The following STIM2 variants were observed in gnomAD, a reference collection of about 807,000 sequenced individuals.
STIM2 encodes stromal interaction molecule 2.
A neutral mutation model predicts 85.8 loss-of-function variants in STIM2; 31 were observed. The observed-to-expected ratio is 0.36, with a 90% CI of 0.27 to 0.49. The LOEUF (loss-of-function observed/expected upper bound fraction) is 0.49, where lower values mean the gene tolerates loss of function less well. Among genes scored for constraint, STIM2 ranks in the 20% least tolerant of loss-of-function variants. The pLI, the probability that STIM2 is intolerant of heterozygous loss-of-function variation, is 0.98. For missense variants in STIM2, 841 were observed against 927.6 expected (o/e 0.91, Z 1.21); for synonymous variants, 356 against 331.1 (o/e 1.08, Z -0.82).
intron 6 of STIM2, 125 bp from the exon 7 acceptor site, chr4:27,002,802 T>C (rs1728202821): frequency 1.1e-6 from 1 of 940,728 alleles, no homozygotes; most frequent in Non-Finnish European, 1.4e-6. Flanking sequence ...TTAAGGCTAA[T>C]GAAAAATGCT....
At chr4:26,862,405 G>C (rs1276916123) in intron 1 of STIM2, among the ~76,000 whole-genome samples, 1 of 150,792 alleles carries the variant, frequency 6.6e-6, no homozygotes, top group Non-Finnish European at 1.5e-5. Context: ...AAAGTTTAAA[G>C]TGGCAGAAGA....
chr4:27,021,234 T>C, intron 11 of STIM2: 1 of 579,700 alleles, frequency 1.7e-6, no homozygotes, highest in Admixed American at 3.0e-5. Context: ...CTTGTCCTTA[T>C]TTATTTCTTT....
rs545443095 is a variant in STIM2 at position 27,022,334 on chromosome 4, A to T, written c.1764-185A>T. 1.2e-4 allele frequency among the ~76,000 whole-genome samples: 19 copies of T among 152,302 alleles called. No homozygotes were observed. The South Asian group carries it at 3.5e-3, about 28-fold the overall frequency. On this transcript the variant is annotated intron_variant, in intron 11 of 11. Coordinates refer to ENST00000467087, the MANE Select transcript of STIM2 (RefSeq NM_020860.4). ...GGTTTATGTTAAAAATCCAGCATTGAGTTTTGAGAAGCCATATTATTTAAA... is the reference window on the plus strand; with the variant it reads ...GGTTTATGTTAAAAATCCAGCATTGTGTTTTGAGAAGCCATATTATTTAAA...
intron 2 of STIM2, among the ~76,000 whole-genome samples, chr4:26,953,878 T>A (rs1180315533): frequency 6.6e-6 from 1 of 152,158 alleles, no homozygotes; most frequent in Non-Finnish European, 1.5e-5. Context: ...GTCCAGTTTT[T>A]CATGATCTCA....
chr4:27,002,931 G>A lies in STIM2; in HGVS notation c.808G>A (p.Glu270Lys). The change falls in exon 7 of 12, where the codon GAA becomes AAA. Residue 270 changes from glutamate to lysine, a missense_variant. Physicochemically the swap from Glu to Lys is moderately conservative, Grantham distance 56. Around this residue, in one of 3 missense-constraint regions of STIM2, gnomAD observed 408 missense variants for 525.4 expected, o/e 0.78. Coordinates refer to ENST00000467087, the MANE Select transcript of STIM2 (RefSeq NM_020860.4). ...TTATTTTTATTGTTCTATAAGGCTT[G>A]AAAAGGCACAGGAAGAAAACAGAAA... The A allele has an allele frequency of 6.4e-7, 1 of 1,555,842 alleles. No individual in the cohort carries two copies. Among genetic ancestry groups the A allele is most frequent in the Non-Finnish European group, 8.6e-7 (1 of 1,159,508 alleles).
rs951413469 is a variant in STIM2, at chr4:27,023,174, G to A, written c.*178G>A. ...AACTGTCTACTGTCTGCTTATTTAA[G>A]TGACTATATATAATCAATTCATCAA... On this transcript the variant is annotated 3_prime_UTR_variant, in exon 12 of 12. Coordinates refer to ENST00000467087, the MANE Select transcript of STIM2 (RefSeq NM_020860.4). 2 of 628,724 alleles carry A rather than the reference G, an allele frequency of 3.2e-6. No homozygotes were observed. Among genetic ancestry groups the A allele is most frequent in the African/African-American group, 3.7e-5 (2 of 54,486 alleles). 38.9% of individuals were successfully genotyped at this position (628,724 alleles called of 1,614,324 possible). A position where few individuals can be genotyped will look rare whatever the true frequency, so the allele number is the denominator to read the frequency against.
intron 1 of STIM2, among the ~76,000 whole-genome samples, chr4:26,884,830 GGTAAT>G (rs1298586809): frequency 6.6e-6 from 1 of 152,140 alleles, no homozygotes; most frequent in Non-Finnish European, 1.5e-5. Flanking sequence ...GTATCTTATA[GGTAAT>G]GTAACGGAGA....
intron 2 of STIM2, among the ~76,000 whole-genome samples, chr4:26,955,742 C>A (rs1441430776): frequency 2.3e-5 from 3 of 127,768 alleles, no homozygotes. Flanking sequence ...TGTTTAATTT[C>A]CAGTATATAT....
chr4:26,919,182 G>A (rs1174994643), intron 1 of STIM2, among the ~76,000 whole-genome samples: 1 of 151,348 alleles, frequency 6.6e-6, no homozygotes, highest in African/African-American at 2.4e-5. Flanking sequence ...GGAATGATTA[G>A]TAAATCATGA....
At chr4:27,000,260 T>C (rs948925516) in intron 5 of STIM2, among the ~76,000 whole-genome samples, 10 of 152,204 alleles carry the variant, frequency 6.6e-5, no homozygotes, top group African/African-American at 2.4e-4. Context: ...TACTGGTGGT[T>C]CTTTTTTGGC....
chr4:26,962,630 A>C, intron 3 of STIM2, among the ~76,000 whole-genome samples: 1 of 150,858 alleles, frequency 6.6e-6, no homozygotes, highest in African/African-American at 2.4e-5. Flanking sequence ...GTGTAGAGAG[A>C]ATGCTTGGTC....
chr4:26,879,762 G>A (rs1000861014), intron 1 of STIM2, among the ~76,000 whole-genome samples: 2 of 152,114 alleles, frequency 1.3e-5, no homozygotes, highest in African/African-American at 4.8e-5. Context: ...CACACTTTAA[G>A]TTTTAGCTTT....
At position 27,022,749 on chromosome 4, in the gene STIM2, G is replaced by A; in HGVS notation, c.1994G>A (p.Ser665Asn). Residue 665 changes from serine (S) to asparagine (N), a missense_variant, in exon 12 of 12, where the codon AGT becomes AAT. By Grantham distance (46) the Ser-to-Asn change is conservative. Around this residue, in one of 3 missense-constraint regions of STIM2, gnomAD observed 293 missense variants for 284.5 expected, o/e 1.03. Coordinates refer to ENST00000467087, the MANE Select transcript of STIM2 (RefSeq NM_020860.4). ...ACAGAAACTAAGAGTATGATCTTCA[G>A]TCCTGCAAGCAAAGTGTACAATGGC... is the stretch of plus-strand genomic sequence containing the variant. The A allele has an allele frequency of 6.2e-7, 1 of 1,614,204 alleles. No homozygotes were observed. The highest frequency in any genetic ancestry group is 1.3e-5 in the African/African-American group (1 of 75,052).
At chr4:26,936,553 T>A (rs1725397558) in intron 2 of STIM2, among the ~76,000 whole-genome samples, 1 of 152,224 alleles carries the variant, frequency 6.6e-6, no homozygotes, top group Non-Finnish European at 1.5e-5. Flanking sequence ...AGAAACACCA[T>A]TGGTTGTATA....
At chr4:26,968,503 T>C (rs1313619697) in intron 3 of STIM2, among the ~76,000 whole-genome samples, 1 of 152,172 alleles carries the variant, frequency 6.6e-6, no homozygotes, top group Non-Finnish European at 1.5e-5. Context: ...AATGTTTGGT[T>C]GCCAGGGTCT....
chr4:26,911,275 T>TA (rs546631682), intron 1 of STIM2, among the ~76,000 whole-genome samples: 29 of 151,654 alleles, frequency 1.9e-4, no homozygotes, highest in East Asian at 1.7e-3. Flanking sequence ...TGAAATAAAA[T>TA]AAAAAAAATG....
chr4:26,937,018 G>A (rs1034076350), intron 2 of STIM2, among the ~76,000 whole-genome samples: 1 of 151,952 alleles, frequency 6.6e-6, no homozygotes, highest in Admixed American at 6.6e-5. Context: ...GAACTTCTGG[G>A]CTCAAGCGAT....
intron 2 of STIM2, among the ~76,000 whole-genome samples, chr4:26,953,364 A>G (rs973062356): frequency 3.3e-5 from 5 of 152,158 alleles, no homozygotes; most frequent in African/African-American, 1.2e-4. Context: ...TGCATATACT[A>G]TGTATGCCTT....
At chr4:27,021,734 C>T in intron 11 of STIM2, 2 of 422,744 alleles carry the variant, frequency 4.7e-6, no homozygotes, top group Middle Eastern at 3.6e-4. Context: ...CCGTTGCAAT[C>T]ATTTAGTTGA....
Sources: allele counts gnomAD v4.1 joint callset (sites outside exome capture counted in the v4.1 genomes callset), GRCh38; gene constraint gnomAD v4.1.1; regional missense constraint gnomAD v4.1.1; transcripts MANE v1.5; gene names NCBI Gene and HGNC (gene_info 2026-07-23, HGNC 2026-07-21).